TTN: variants seen among roughly 807,000 people sequenced by gnomAD.
TTN encodes titin, also known as connectin.
A neutral mutation model predicts 3,223.0 loss-of-function variants in TTN; 1,525 were observed. That is an observed-to-expected ratio of 0.47 (90% CI 0.45 to 0.49). The LOEUF is 0.49. Among genes scored for constraint, TTN ranks in the 20% least tolerant of loss-of-function variants. TTN has a pLI of 0.00. For synonymous variants in TTN, 14,094 were observed against 15,161.0 expected (o/e 0.93, Z 5.17); for missense variants, 40,786 against 43,424.0 (o/e 0.94, Z 5.40).
In TTN at chr2:178,570,137, C is replaced by G. The variant is rs779031787; in HGVS notation, c.75995G>C (p.Gly25332Ala). ...IVVWERPASD[G>A]GSEILGYVLE... Reference sequence around the variant, plus strand: ...AACATATCCAAGAATTTCACTACCACCATCAGATGCTGGTCTTTCCCATAC... The same window carrying G: ...AACATATCCAAGAATTTCACTACCAGCATCAGATGCTGGTCTTTCCCATAC... The change falls in exon 326 of 363, where the codon GGT becomes GCT. Residue 25332 changes from glycine to alanine, a missense_variant. By Grantham distance (60) the Gly-to-Ala change is moderately conservative (BLOSUM62 0). Transcript: ENST00000589042. 1.2e-6 allele frequency: 2 copies of G among 1,613,502 alleles called. No individual in the cohort carries two copies. The highest frequency in any genetic ancestry group is 1.7e-6 in the Non-Finnish European group (2 of 1,179,610).
intron 219 of TTN, chr2:178,641,522 G>A (rs2061232693): frequency 2.8e-6 from 1 of 358,688 alleles, no homozygotes; most frequent in African/African-American, 2.1e-5. Context: ...AGCACTCAAA[G>A]TTACTTTGTT....
Position 178,680,406 on chromosome 2 carries a change from T to G in TTN, c.33341-75A>C, listed in dbSNP as rs1381069025. The G allele has an allele frequency of 4.1e-6, 5 of 1,219,170 alleles. No homozygotes were observed. In the East Asian group the frequency reaches 1.2e-4, roughly 28 times the overall value. 75.5% of individuals were successfully genotyped at this position (1,219,170 alleles called of 1,614,324 possible). ...AGCCAATGCTTGTTTTGCTGTACTT[T>G]AAGCAGATAGAATAATGTATCTTCC... On this transcript the variant is annotated intron_variant, in intron 138 of 362. Transcript: ENST00000589042.
Position 178,681,675 on chromosome 2 carries a change from G to A in TTN, c.33158C>T (p.Ala11053Val). 1.9e-6 allele frequency: 3 copies of A among 1,605,212 alleles called. No individual in the cohort carries two copies. The highest frequency in any genetic ancestry group is 2.5e-6 in the Non-Finnish European group (3 of 1,177,644). Residue 11053 changes from alanine to valine, a missense_variant, in exon 136 of 363, where the codon GCC becomes GTC. Transcript: ENST00000589042. ...TTTCACTCTACCTTTAGCCGGTGGGGCCTTTGGTTTTGTGGGAACTGGTTC... is the reference window on the plus strand; with the variant it reads ...TTTCACTCTACCTTTAGCCGGTGGGACCTTTGGTTTTGTGGGAACTGGTTC... ...PEEPVPTKPKAPPAKVLKKAV... is the reference protein window; with the variant it reads ...PEEPVPTKPKVPPAKVLKKAV...
At chr2:178,655,453 GAAAT>G in intron 189 of TTN, 1 of 86,956 alleles carries the variant, frequency 1.2e-5, no homozygotes, top group East Asian at 3.4e-4. Flanking sequence ...GCAGGAGAAA[GAAAT>G]AAAGGGTATT....
At chr2:178,676,070 C>T in intron 147 of TTN, 75 bp from the exon 148 acceptor site, 1 of 1,371,034 alleles carries the variant, frequency 7.3e-7, no homozygotes, top group Non-Finnish European at 1.0e-6. Context: ...ACCCCACACC[C>T]AGAAAGACCA....
intron 47 of TTN, chr2:178,748,383 T>C (rs1414938845): frequency 1.2e-6 from 2 of 1,613,254 alleles, no homozygotes; most frequent in Middle Eastern, 1.7e-4. Flanking sequence ...ATTTCTTGAC[T>C]GGCAAATACA....
chr2:178,625,987 T>C lies in TTN; in HGVS notation c.44425-591A>G, dbSNP rs572971423. Among the ~76,000 whole-genome samples the C allele has an allele frequency of 1.1e-4, 17 of 152,092 alleles. No homozygotes were observed. The East Asian group carries it at 2.9e-3, about 26-fold the overall frequency. On this transcript the variant is annotated intron_variant, in intron 240 of 362. Coordinates refer to ENST00000589042, the MANE Select transcript of TTN (RefSeq NM_001267550.2). ...GGTCTTTTTTGCATATGCGTAGATA[T>C]ACAGCACATATAGTATATACGTATA...
At position 178,566,679 on chromosome 2, in the gene TTN, C is replaced by T. The variant is rs1705994617; in HGVS notation, c.79453G>A (p.Val26485Met). The T allele has an allele frequency of 1.9e-6, 3 of 1,613,152 alleles. No homozygotes were observed. The highest frequency in any genetic ancestry group is 1.7e-5 in the Admixed American group (1 of 59,964). ...ATVYYKACDP[V>M]FKPGPPTNAH... ...TTGGTAGGTGGGCCAGGTTTGAACA[C>T]AGGATCACAGGCTTTATAATAAACT... The change falls in exon 326 of 363, where the codon GTG becomes ATG. Residue 26485 changes from valine (V) to methionine (M), a missense_variant. Val to Met is a conservative substitution (Grantham distance 21, BLOSUM62 1). Coordinates refer to ENST00000589042, the MANE Select transcript of TTN (RefSeq NM_001267550.2).
At chr2:178,746,182 G>T in intron 47 of TTN, 1 of 1,613,268 alleles carries the variant, frequency 6.2e-7, no homozygotes, top group Non-Finnish European at 8.5e-7. Context: ...CGGGAGTCGG[G>T]ATCCCTATGA....
At position 178,565,990 on chromosome 2, in the gene TTN, C is replaced by T; in HGVS notation, c.80142G>A (p.Lys26714=). Residue 26714 remains lysine, a synonymous_variant, in exon 326 of 363, where the codon AAG becomes AAA. Coordinates refer to ENST00000589042, the MANE Select transcript of TTN (RefSeq NM_001267550.2). Reference sequence around the variant, plus strand: ...GTTTGTCAATCACATAGTTCTTGACCTTTGCCCCTCCATCAATGATGGGTG... The same window carrying T: ...GTTTGTCAATCACATAGTTCTTGACTTTTGCCCCTCCATCAATGATGGGTG... The part of the protein sequence containing the change: ...WEPPIIDGGA[K]VKNYVIDKRE... 1 of 1,613,548 alleles carries T rather than the reference C, an allele frequency of 6.2e-7. No homozygotes were observed. The highest frequency in any genetic ancestry group is 8.5e-7 in the Non-Finnish European group (1 of 1,179,624).
intron 164 of TTN, 41 bp downstream of exon 164, chr2:178,665,667 A>T: frequency 7.8e-7 from 1 of 1,279,362 alleles, no homozygotes. Flanking sequence ...CATGCTAAGC[A>T]CTCTAATAAA....
intron 90 of TTN, 61 bp downstream of exon 90, chr2:178,714,925 G>T (rs1439230655): frequency 1.3e-6 from 2 of 1,548,486 alleles, no homozygotes; most frequent in Admixed American, 3.7e-5. Flanking sequence ...GGTGGAGGGG[G>T]CAACAGAGTA....
intron 107 of TTN, 99 bp downstream of exon 107, chr2:178,702,355 T>C (rs1341240593): frequency 3.7e-6 from 6 of 1,604,902 alleles, no homozygotes; most frequent in Non-Finnish European, 5.1e-6. Context: ...AAAAAAGCAT[T>C]CTAGATAGAA....
chr2:178,696,387 GT>G (rs76637698), intron 113 of TTN, 118 bp from the exon 114 acceptor site: 21,235 of 674,652 alleles, frequency 0.031, 1 homozygote, highest in South Asian at 0.044. Flanking sequence ...TTGATAATTT[GT>G]TTTTTTTTTT....
chr2:178,531,081 G>A lies in TTN; in HGVS notation c.105534C>T (p.Thr35178=), dbSNP rs1688912775. 1 of 1,613,846 alleles carries A rather than the reference G, an allele frequency of 6.2e-7. No individual in the cohort carries two copies. Among genetic ancestry groups the A allele is most frequent in the Admixed American group, 1.7e-5 (1 of 59,992 alleles). The change falls in exon 358 of 363, where the codon ACC becomes ACT. Residue 35178 remains threonine (T), a synonymous_variant. Transcript: ENST00000589042. ...VLSTSARHQV[T]TTKYKSTFEI... ...CAAAGGTTGATTTGTACTTTGTGGT[G>A]GTCACTTGGTGGCGGGCAGAAGTAC...
chr2:178,600,934 A>G lies in TTN; in HGVS notation c.55970T>C (p.Phe18657Ser), dbSNP rs1309684601. Reference protein sequence around the residue: ...EDLVEGGEYEFRVKAVNAAGV... With the variant: ...EDLVEGGEYESRVKAVNAAGV... ...TGCAGCATTGACAGCTTTGACTCGG[A>G]ATTCATATTCCCCACCCTCTACTAG... Residue 18657 changes from phenylalanine (F) to serine (S), a missense_variant, in exon 288 of 363, where the codon TTC (phenylalanine) becomes TCC (serine). Physicochemically the swap from Phe to Ser is radical, Grantham distance 155. Transcript: ENST00000589042. The G allele has an allele frequency of 6.2e-7, 1 of 1,612,982 alleles. No individual in the cohort carries two copies. The highest frequency in any genetic ancestry group is 8.5e-7 in the Non-Finnish European group (1 of 1,179,308).
Position 178,718,522 on chromosome 2 carries a change from G to A in TTN, c.24584C>T (p.Thr8195Ile), listed in dbSNP as rs769875081. 6.2e-7 allele frequency: 1 copy of A among 1,613,754 alleles called. No individual in the cohort carries two copies. The highest frequency in any genetic ancestry group is 8.5e-7 in the Non-Finnish European group (1 of 1,179,760). The part of the protein sequence containing the change: ...GSPIVLEATY[T>I]GTPPISVSWI... ...GCTCACTGAGATTGGAGGTGTGCCA[G>A]TGTATGTGGCCTCGAGAACTATGGG... The change falls in exon 85 of 363, where the codon ACT becomes ATT. Residue 8195 changes from threonine to isoleucine, a missense_variant. Physicochemically the swap from Thr to Ile is moderately conservative, Grantham distance 89. Transcript: ENST00000589042.
At position 178,795,171 on chromosome 2, in the gene TTN, T is replaced by C. The variant is rs750838855; in HGVS notation, c.996A>G (p.Ala332=). The change falls in exon 7 of 363, where the codon GCA becomes GCG. Residue 332 remains alanine, a synonymous_variant. Coordinates refer to ENST00000589042, the MANE Select transcript of TTN (RefSeq NM_001267550.2). ...CTTCAGGACCTGTGGCCACGGTGGA[T>C]GCCTGAGTCTTACGCATGAGCAATG... is the stretch of plus-strand genomic sequence containing the variant. ...RSPLLMRKTQ[A]STVATGPEVP... is the part of the protein sequence containing the mutation. 6 of 1,614,052 alleles carry C rather than the reference T, an allele frequency of 3.7e-6. No individual in the cohort carries two copies. The East Asian group carries it at 8.9e-5, about 24-fold the overall frequency.
Position 178,664,508 on chromosome 2 carries a change from C to A in TTN, c.36232G>T (p.Glu12078Ter). 1 of 1,612,254 alleles carries A rather than the reference C, an allele frequency of 6.2e-7. No individual in the cohort carries two copies. Among genetic ancestry groups the A allele is most frequent in the Non-Finnish European group, 8.5e-7 (1 of 1,179,496 alleles). ...VPEALREVVP[E>*]KKVHPPQRAE... ...CTTTGGGGAGGATGCACTTTCTTTT[C>A]CGGGACAACTTCTCTGAGAGCCTCC... The change falls in exon 168 of 363, where the codon GAA becomes TAA. Residue 12078 changes from glutamate (E) to a stop codon, truncating the protein, a stop_gained. Coordinates refer to ENST00000589042, the MANE Select transcript of TTN (RefSeq NM_001267550.2). LOFTEE classifies it high-confidence loss of function.
Sources: gnomAD v4.1 joint callset for allele counts (sites outside exome capture counted in the v4.1 genomes callset) on GRCh38, gnomAD v4.1.1 for gene constraint, MANE v1.5 for transcripts, NCBI Gene and HGNC (gene_info 2026-07-23, HGNC 2026-07-21) for gene names.